PRRT1B: variants seen among roughly 807,000 people sequenced by gnomAD.
PRRT1B encodes proline rich transmembrane protein 1B.
Position 131,553,533 on chromosome 9 carries a change from G to A in PRRT1B, c.26-1024G>A, listed in dbSNP as rs1038014168. On this transcript the variant is annotated intron_variant, in intron 1 of 3. Coordinates refer to ENST00000636672, the Ensembl canonical transcript of PRRT1B. ...GGGGGTTGAGGCAGGACACGCCCAG[G>A]GGCTCATCATTCCCTGCCATTGGGA... Among the ~76,000 whole-genome samples, 26 of 152,190 alleles carry A rather than the reference G, an allele frequency of 1.7e-4. 1 individual carries two copies. The highest frequency in any genetic ancestry group is 3.4e-4 in the Non-Finnish European group (23 of 68,018).
chr9:131,550,937 TTC>T (rs531621744), intron 1 of PRRT1B, among the ~76,000 whole-genome samples: 25,816 of 97,796 alleles, frequency 0.26, 3,247 homozygotes, highest in Non-Finnish European at 0.31. Context: ...TCTTTTCTTT[TTC>T]TTTTTTTTTT....
downstream of PRRT1B, among the ~76,000 whole-genome samples, chr9:131,559,727 G>A (rs1187607217): frequency 6.6e-6 from 1 of 152,216 alleles, no homozygotes; most frequent in African/African-American, 2.4e-5. Flanking sequence ...AAGCTTCCCA[G>A]TGATGCTGAA....
intron 1 of PRRT1B, among the ~76,000 whole-genome samples, chr9:131,552,839 A>ATTTTT (rs61662684): frequency 3.7e-5 from 5 of 133,800 alleles, no homozygotes; most frequent in Non-Finnish European, 4.8e-5. Flanking sequence ...CACCTGGTTA[A>ATTTTT]TTTTTTTTTT....
chr9:131,546,821 G>T (rs376103923), intron 1 of PRRT1B, among the ~76,000 whole-genome samples: 1 of 152,140 alleles, frequency 6.6e-6, no homozygotes, highest in African/African-American at 2.4e-5. Context: ...CCGCGCCATC[G>T]GGCCAGATAT....
At chr9:131,548,025 A>G (rs1037397231) in intron 1 of PRRT1B, among the ~76,000 whole-genome samples, 39 of 152,012 alleles carry the variant, frequency 2.6e-4, no homozygotes, top group Non-Finnish European at 4.4e-5. Flanking sequence ...CCCACAATCC[A>G]TTGGTATCTG....
chr9:131,545,598 C>A, exon 1 of PRRT1B: 1 of 396,988 alleles, frequency 2.5e-6, no homozygotes, highest in Non-Finnish European at 4.4e-6. Context: ...GCCCTTGCAG[C>A]CGCCGCGGGC....
At chr9:131,547,598 T>C (rs1950984837) in intron 1 of PRRT1B, among the ~76,000 whole-genome samples, 1 of 152,204 alleles carries the variant, frequency 6.6e-6, no homozygotes, top group Admixed American at 6.5e-5. Context: ...TGTTTGGTGG[T>C]CTCTTCACAC....
At chr9:131,548,396 T>C (rs747758240) in intron 1 of PRRT1B, among the ~76,000 whole-genome samples, 22 of 152,180 alleles carry the variant, frequency 1.4e-4, no homozygotes, top group Non-Finnish European at 2.4e-4. Flanking sequence ...TGACCTAAAA[T>C]CTAAGTGTCT....
Position 131,551,660 on chromosome 9 carries a change from T to C in PRRT1B, c.26-2897T>C, listed in dbSNP as rs1403294187. On this transcript the variant is annotated intron_variant, in intron 1 of 3. Transcript: ENST00000636672. This position sits in a 1 kb window ranked among gnomAD's most constrained non-coding sequence, Gnocchi z 4.4. ...AAGTGAAAATGGCCTGTTCCTGCCT[T>C]AACTGATGACATTACCTTGTGAAAT... 2.6e-5 allele frequency among the ~76,000 whole-genome samples: 4 copies of C among 152,008 alleles called. No individual in the cohort carries two copies. Among genetic ancestry groups the C allele is most frequent in the Non-Finnish European group, 4.4e-5 (3 of 67,906 alleles).
rs1046261713 is a variant in PRRT1B at position 131,551,716 on chromosome 9, C to T, written c.26-2841C>T. ...CTCCTGGCTCATCCTGGCTCAAAAGCTCCCCCACTGAGCACCTTGTGACCC... is the reference window on the plus strand; with the variant it reads ...CTCCTGGCTCATCCTGGCTCAAAAGTTCCCCCACTGAGCACCTTGTGACCC... On this transcript the variant is annotated intron_variant, in intron 1 of 3. Coordinates refer to ENST00000636672, the Ensembl canonical transcript of PRRT1B. The surrounding 1 kb of genome is among the most constrained non-coding windows in gnomAD (Gnocchi z 4.4). 6.6e-6 allele frequency among the ~76,000 whole-genome samples: 1 copy of T among 152,088 alleles called. No homozygotes were observed. The highest frequency in any genetic ancestry group is 6.6e-5 in the Admixed American group (1 of 15,244).
intron 1 of PRRT1B, among the ~76,000 whole-genome samples, chr9:131,550,451 C>G (rs148713656): frequency 0.013 from 1,947 of 152,304 alleles, 49 homozygotes; most frequent in African/African-American, 0.043. Flanking sequence ...CACAGACAGC[C>G]CCCATTACTT....
At chr9:131,548,922 G>T (rs1950992555) in intron 1 of PRRT1B, among the ~76,000 whole-genome samples, 1 of 152,154 alleles carries the variant, frequency 6.6e-6, no homozygotes, top group Non-Finnish European at 1.5e-5. Context: ...CAAGGTTAAT[G>T]CTCCCTTTTC....
intron 1 of PRRT1B, among the ~76,000 whole-genome samples, chr9:131,553,821 G>C (rs1222477323): frequency 3.3e-5 from 5 of 152,214 alleles, no homozygotes; most frequent in African/African-American, 7.2e-5. Context: ...CCTTGCCTGA[G>C]GCCCTCTGGT....
At chr9:131,546,989 T>C (rs1050522338) in intron 1 of PRRT1B, among the ~76,000 whole-genome samples, 1 of 147,562 alleles carries the variant, frequency 6.8e-6, no homozygotes, top group Non-Finnish European at 1.5e-5. Context: ...ATGGGGAGCA[T>C]AAAAACAAAA....
intron 1 of PRRT1B, among the ~76,000 whole-genome samples, chr9:131,553,962 C>T (rs1335323820): frequency 1.3e-5 from 2 of 152,200 alleles, no homozygotes; most frequent in Non-Finnish European, 2.9e-5. Flanking sequence ...AGCTGGGCAG[C>T]TTTGAGGCTC....
intron 1 of PRRT1B, among the ~76,000 whole-genome samples, chr9:131,550,763 A>C (rs11243423): frequency 0.47 from 71,611 of 151,156 alleles, 17,096 homozygotes; most frequent in African/African-American, 0.52. Context: ...CCCTCAGAAT[A>C]ACAAACTATG....
At chr9:131,549,301 G>A (rs747949307) in intron 1 of PRRT1B, among the ~76,000 whole-genome samples, 1 of 152,196 alleles carries the variant, frequency 6.6e-6, no homozygotes, top group Admixed American at 6.5e-5. Flanking sequence ...AACTTCAAAC[G>A]CCTGAACCGC....
chr9:131,547,488 C>T (rs954725215), intron 1 of PRRT1B, among the ~76,000 whole-genome samples: 3 of 152,122 alleles, frequency 2.0e-5, no homozygotes, highest in African/African-American at 7.2e-5. Context: ...CTACGCAAAT[C>T]CTATAAAACG....
intron 3 of PRRT1B, among the ~76,000 whole-genome samples, chr9:131,556,639 CTCTTT>C (rs1010999572): frequency 6.6e-6 from 1 of 151,650 alleles, no homozygotes; most frequent in Non-Finnish European, 1.5e-5. Flanking sequence ...CACCATCTCT[CTCTTT>C]TTTTTTGATA....
Sources: gnomAD v4.1 joint callset for allele counts (sites outside exome capture counted in the v4.1 genomes callset) on GRCh38, gnomAD v4.1.1 for gene constraint, Gnocchi (gnomAD v3.1) non-coding constraint, MANE v1.5 for transcripts, NCBI Gene and HGNC (gene_info 2026-07-23, HGNC 2026-07-21) for gene names.